Variants in ALDH18A1 observed in about 807,000 individuals in gnomAD.
The protein encoded by ALDH18A1 is delta-1-pyrroline-5-carboxylate synthase.
A neutral mutation model predicts 88.8 loss-of-function variants in ALDH18A1; 44 were observed. The observed-to-expected ratio is 0.50, with a 90% CI of 0.39 to 0.64. The LOEUF (loss-of-function observed/expected upper bound fraction) is 0.64, where lower values mean the gene tolerates loss of function less well. ALDH18A1 is among the 30% of genes least tolerant of loss of function. The pLI is 0.00. For missense variants in ALDH18A1, 782 were observed against 1,009.5 expected, an observed-to-expected ratio of 0.77 and a Z score of 3.05; for synonymous variants, 331 against 372.1, an observed-to-expected ratio of 0.89 and a Z score of 1.27.
intron 2 of ALDH18A1, among the ~76,000 whole-genome samples, chr10:95,647,049 T>G (rs1213022703): frequency 6.6e-6 from 1 of 152,200 alleles, no homozygotes; most frequent in Non-Finnish European, 1.5e-5. Context: ...CATTTTGCCT[T>G]TCTTTTCTTT....
intron 7 of ALDH18A1, among the ~76,000 whole-genome samples, chr10:95,632,565 T>C (rs1254122429): frequency 1.3e-5 from 2 of 152,174 alleles, no homozygotes; most frequent in Non-Finnish European, 2.9e-5. Context: ...GGACTCACTA[T>C]ATTACCCAGG....
intron 9 of ALDH18A1, 76 bp from the exon 10 acceptor site, chr10:95,626,852 A>G (rs1808423511): frequency 1.4e-6 from 2 of 1,471,166 alleles, no homozygotes; most frequent in Non-Finnish European, 1.9e-6. Flanking sequence ...AGAGAGAACT[A>G]CCAGCACATG....
chr10:95,656,046 A>G (rs1308055853), intron 1 of ALDH18A1, among the ~76,000 whole-genome samples: 5 of 152,144 alleles, frequency 3.3e-5, no homozygotes, highest in African/African-American at 1.2e-4. Context: ...GGAAGACCCC[A>G]GCATACACAG....
chr10:95,644,388 A>T (rs531305093), intron 2 of ALDH18A1, among the ~76,000 whole-genome samples: 1 of 152,352 alleles, frequency 6.6e-6, no homozygotes, highest in Admixed American at 6.5e-5. Context: ...TTTTTCTTGT[A>T]ACACTGTACA....
chr10:95,614,298 C>T (rs1033624298), intron 13 of ALDH18A1, 137 bp from the exon 14 acceptor site: 56 of 970,158 alleles, frequency 5.8e-5, no homozygotes, highest in Non-Finnish European at 8.1e-5. Context: ...ATTCTAAAAA[C>T]AAAATTAAGT....
chr10:95,648,323 AT>A (rs2097904558), intron 2 of ALDH18A1, among the ~76,000 whole-genome samples: 1 of 6,386 alleles, frequency 1.6e-4, no homozygotes, highest in Non-Finnish European at 3.5e-4. Flanking sequence ...TTCTACCTTC[AT>A]CATCATCATC....
rs191075764 is a variant in ALDH18A1 at position 95,617,828 on chromosome 10, C to A, written c.1468-1214G>T. Reference sequence around the variant, plus strand: ...AGCAAAGAAATTTCACGGATACAGTCCACAGAGAGACTTAGGCCCATTTCT... The same window carrying A: ...AGCAAAGAAATTTCACGGATACAGTACACAGAGAGACTTAGGCCCATTTCT... On this transcript the variant is annotated intron_variant, in intron 12 of 17. Transcript: ENST00000371224. Among the ~76,000 whole-genome samples, 338 of 152,236 alleles carry A rather than the reference C, an allele frequency of 2.2e-3. 1 individual carries two copies. Among genetic ancestry groups the A allele is most frequent in the Non-Finnish European group, 3.6e-3 (245 of 68,016 alleles).
intron 11 of ALDH18A1, among the ~76,000 whole-genome samples, chr10:95,624,905 A>G (rs905253921): frequency 6.6e-6 from 1 of 152,216 alleles, no homozygotes; most frequent in African/African-American, 2.4e-5. Context: ...GGCAAGTGAC[A>G]ACTTCTCTGA....
chr10:95,613,673 G>GC, intron 15 of ALDH18A1, 69 bp downstream of exon 15: 3 of 1,451,214 alleles, frequency 2.1e-6, no homozygotes, highest in Non-Finnish European at 2.9e-6. Flanking sequence ...ATATGGTATG[G>GC]CTGTGCCTGG....
At chr10:95,640,884 T>C (rs971888644) in intron 3 of ALDH18A1, among the ~76,000 whole-genome samples, 6 of 152,350 alleles carry the variant, frequency 3.9e-5, no homozygotes, top group Middle Eastern at 3.4e-3. Flanking sequence ...CAGCCTGCTT[T>C]TGAGACTGAA....
At chr10:95,639,385 A>G (rs776868868) in intron 3 of ALDH18A1, among the ~76,000 whole-genome samples, 7 of 152,030 alleles carry the variant, frequency 4.6e-5, no homozygotes, top group Non-Finnish European at 8.8e-5. Context: ...CAAAGTGCTG[A>G]GAATAGTATT....
intron 2 of ALDH18A1, among the ~76,000 whole-genome samples, chr10:95,651,098 A>C (rs548501448): frequency 6.6e-6 from 1 of 152,006 alleles, no homozygotes; most frequent in South Asian, 2.1e-4. Flanking sequence ...GCGCCACTAC[A>C]CTCCAGCCTG....
At chr10:95,619,278 G>T (rs538764501) in intron 12 of ALDH18A1, among the ~76,000 whole-genome samples, 2 of 152,094 alleles carry the variant, frequency 1.3e-5, no homozygotes, top group African/African-American at 4.8e-5. Context: ...ACTGCTCCAC[G>T]AAATAAAAGA....
At chr10:95,655,791 G>T (rs190331189) in intron 1 of ALDH18A1, among the ~76,000 whole-genome samples, 1 of 152,056 alleles carries the variant, frequency 6.6e-6, no homozygotes, top group Non-Finnish European at 1.5e-5. Context: ...GTTGAAGAAA[G>T]TTTTCACGTT....
intron 7 of ALDH18A1, among the ~76,000 whole-genome samples, chr10:95,631,065 C>G (rs1021722456): frequency 1.3e-5 from 2 of 152,118 alleles, no homozygotes; most frequent in African/African-American, 4.8e-5. Context: ...TTCTAACCTT[C>G]TGGGAGTGTT....
At chr10:95,632,397 GC>G (rs1374039196) in intron 7 of ALDH18A1, among the ~76,000 whole-genome samples, 1 of 152,100 alleles carries the variant, frequency 6.6e-6, no homozygotes, top group Non-Finnish European at 1.5e-5. Context: ...ATAGGGTCTC[GC>G]TCTGTCACCC....
intron 8 of ALDH18A1, 98 bp from the exon 9 acceptor site, chr10:95,627,684 C>A (rs910581800): frequency 7.1e-7 from 1 of 1,405,582 alleles, no homozygotes; most frequent in Non-Finnish European, 1.0e-6. Context: ...TGATATTGAA[C>A]AACTTAAGTA....
rs1290968024 is a variant in ALDH18A1, at chr10:95,642,096, T to C, written c.303+896A>G. ...TGTTTTTTAAAAACTGAAAATTTAATTACAAGGTAGTGTAAGATTTCAGCT... is the reference window on the plus strand; with the variant it reads ...TGTTTTTTAAAAACTGAAAATTTAACTACAAGGTAGTGTAAGATTTCAGCT... On this transcript the variant is annotated intron_variant, in intron 3 of 17. Transcript: ENST00000371224. Among the ~76,000 whole-genome samples the C allele has an allele frequency of 3.3e-5, 5 of 152,374 alleles. No homozygotes were observed. In the East Asian group the frequency reaches 9.6e-4, roughly 29 times the overall value.
chr10:95,623,199 TG>T (rs2097855563), intron 11 of ALDH18A1, among the ~76,000 whole-genome samples: 1 of 152,224 alleles, frequency 6.6e-6, no homozygotes, highest in African/African-American at 2.4e-5. Flanking sequence ...ATATGTTAAA[TG>T]TTACATCCTA....
Sources: allele counts gnomAD v4.1 joint callset (sites outside exome capture counted in the v4.1 genomes callset), GRCh38; gene constraint gnomAD v4.1.1; transcripts MANE v1.5; gene names NCBI Gene and HGNC (gene_info 2026-07-23, HGNC 2026-07-21).